GRM7: variants seen among roughly 807,000 people sequenced by gnomAD.
GRM7 encodes the protein glutamate metabotropic receptor 7, also known as metabotropic glutamate receptor 7.
In GRM7, 35 loss-of-function variants were observed where a neutral mutation model predicts 84.5. The ratio of observed to expected loss-of-function variants is 0.41; its 90% CI spans 0.32 to 0.55. The LOEUF (loss-of-function observed/expected upper bound fraction) is 0.55, where lower values mean the gene tolerates loss of function less well. GRM7 is among the 20% of genes least tolerant of loss of function. GRM7 has a pLI of 0.19. For missense variants in GRM7, 1,003 were observed against 1,194.6 expected (o/e 0.84, Z 2.36); for synonymous variants, 487 against 455.1 (o/e 1.07, Z -0.89).
intron 8 of GRM7, among the ~76,000 whole-genome samples, chr3:7,630,906 C>A (rs951720415): frequency 2.6e-5 from 4 of 152,090 alleles, no homozygotes; most frequent in Non-Finnish European, 5.9e-5. Flanking sequence ...CCCGATGAAC[C>A]CAGTGAATAC....
At chr3:7,347,379 A>T (rs1312799842) in intron 4 of GRM7, among the ~76,000 whole-genome samples, 2 of 152,134 alleles carry the variant, frequency 1.3e-5, no homozygotes, top group East Asian at 3.9e-4. Flanking sequence ...ATCCAACAAG[A>T]TCCACTTTCC....
At chr3:6,933,736 T>TA (rs371242200) in intron 1 of GRM7, among the ~76,000 whole-genome samples, 14,102 of 140,266 alleles carry the variant, frequency 0.1, 723 homozygotes, top group Non-Finnish European at 0.11. Flanking sequence ...AAAAGAAAAT[T>TA]AAAAAAAAAA....
intron 5 of GRM7, among the ~76,000 whole-genome samples, chr3:7,418,905 C>A (rs775189308): frequency 6.6e-6 from 1 of 152,092 alleles, no homozygotes; most frequent in African/African-American, 2.4e-5. Context: ...CCTCTCAAAG[C>A]CATTTCTTAT....
chr3:7,377,662 T>C (rs992121055), intron 4 of GRM7, among the ~76,000 whole-genome samples: 53 of 152,238 alleles, frequency 3.5e-4, no homozygotes, highest in African/African-American at 1.2e-3. Flanking sequence ...TGCTGTCTCC[T>C]GCAGGGATTG....
At chr3:7,527,425 A>T (rs140044755) in intron 7 of GRM7, among the ~76,000 whole-genome samples, 1 of 151,892 alleles carries the variant, frequency 6.6e-6, no homozygotes. Context: ...GAGTCTTTTC[A>T]TGGAGTCTTT....
At chr3:6,956,158 G>A (rs982234366) in intron 1 of GRM7, among the ~76,000 whole-genome samples, 4 of 152,162 alleles carry the variant, frequency 2.6e-5, no homozygotes, top group Non-Finnish European at 5.9e-5. Flanking sequence ...TTGCAATTCA[G>A]GCGGGAAAAT....
At chr3:6,895,310 G>A (rs572318704) in intron 1 of GRM7, among the ~76,000 whole-genome samples, 1 of 152,240 alleles carries the variant, frequency 6.6e-6, no homozygotes, top group African/African-American at 2.4e-5. Context: ...TCTGAGGGGT[G>A]AAATTAAGGA....
chr3:7,289,098 C>A (rs1374649168), intron 2 of GRM7, among the ~76,000 whole-genome samples: 3 of 152,162 alleles, frequency 2.0e-5, no homozygotes, highest in Non-Finnish European at 4.4e-5. Flanking sequence ...TCCAAGGATG[C>A]ACAGTGGGAC....
intron 8 of GRM7, among the ~76,000 whole-genome samples, chr3:7,630,554 C>G (rs1559450634): frequency 1.3e-5 from 2 of 152,186 alleles, no homozygotes; most frequent in Non-Finnish European, 2.9e-5. Context: ...TTTTCTCTCA[C>G]TTGGGCTTCT....
chr3:7,566,627 T>G (rs1694285867), intron 7 of GRM7, among the ~76,000 whole-genome samples: 1 of 149,276 alleles, frequency 6.7e-6, no homozygotes, highest in African/African-American at 2.5e-5. Context: ...GGCAGAACTA[T>G]TTCAGAAATG....
intron 2 of GRM7, among the ~76,000 whole-genome samples, chr3:7,286,158 A>G (rs1699424028): frequency 6.6e-6 from 1 of 152,214 alleles, no homozygotes; most frequent in South Asian, 2.1e-4. Context: ...AAAACTCATA[A>G]TCATAAAGGT....
At chr3:6,994,394 C>G (rs1457499723) in intron 1 of GRM7, among the ~76,000 whole-genome samples, 1 of 152,178 alleles carries the variant, frequency 6.6e-6, no homozygotes, top group Non-Finnish European at 1.5e-5. Context: ...AATTCTCTTA[C>G]TGTCATATTT....
At chr3:7,683,305 C>G (rs568229856) in intron 9 of GRM7, among the ~76,000 whole-genome samples, 1 of 152,296 alleles carries the variant, frequency 6.6e-6, no homozygotes, top group South Asian at 2.1e-4. Context: ...CATTTGGTAT[C>G]TCTTTCCTTG....
chr3:6,901,974 TAAG>T (rs1003401272), intron 1 of GRM7, among the ~76,000 whole-genome samples: 1 of 152,104 alleles, frequency 6.6e-6, no homozygotes, highest in African/African-American at 2.4e-5. Context: ...TTGTCTGTCT[TAAG>T]AACTTTTTTT....
At chr3:7,709,265 T>C (rs1701500102) in intron 9 of GRM7, among the ~76,000 whole-genome samples, 1 of 152,176 alleles carries the variant, frequency 6.6e-6, no homozygotes, top group South Asian at 2.1e-4. Context: ...ATATGTTACA[T>C]ATAATTTTAA....
intron 1 of GRM7, among the ~76,000 whole-genome samples, chr3:7,051,587 G>C (rs539776398): frequency 6.6e-6 from 1 of 151,814 alleles, no homozygotes; most frequent in African/African-American, 2.4e-5. Context: ...GGAATCCTTA[G>C]GAAAAGTTGA....
chr3:6,891,015 T>C (rs1465838668), intron 1 of GRM7, among the ~76,000 whole-genome samples: 2 of 151,760 alleles, frequency 1.3e-5, no homozygotes, highest in African/African-American at 2.4e-5. Context: ...TTGATCTTTG[T>C]TGGTTTAAAG....
At chr3:7,700,236 C>A (rs949155727) in intron 9 of GRM7, among the ~76,000 whole-genome samples, 2 of 152,168 alleles carry the variant, frequency 1.3e-5, no homozygotes, top group African/African-American at 2.4e-5. Flanking sequence ...AAGTCAGAAA[C>A]CTGCCTCCCT....
intron 1 of GRM7, among the ~76,000 whole-genome samples, chr3:7,087,618 G>T (rs1449685472): frequency 6.6e-6 from 1 of 152,084 alleles, no homozygotes; most frequent in Non-Finnish European, 1.5e-5. Flanking sequence ...TTTATTATAA[G>T]TCAATACTCT....
Sources: gnomAD v4.1 joint callset for allele counts (sites outside exome capture counted in the v4.1 genomes callset) on GRCh38, gnomAD v4.1.1 for gene constraint, MANE v1.5 for transcripts, NCBI Gene and HGNC (gene_info 2026-07-23, HGNC 2026-07-21) for gene names.